The following FGF13 variants were observed in gnomAD, a reference collection of about 807,000 sequenced individuals.
FGF13 encodes the protein fibroblast growth factor homologous factor 2.
Under a neutral mutation model 19.5 loss-of-function variants are expected in FGF13, and 2 were observed. The observed-to-expected ratio is 0.10, with a 90% CI of 0.04 to 0.32. The LOEUF (loss-of-function observed/expected upper bound fraction) is 0.32, where lower values mean the gene tolerates loss of function less well. FGF13 is among the 10% of genes least tolerant of loss of function. The pLI, the probability that FGF13 is intolerant of heterozygous loss-of-function variation, is 1.00. For synonymous variants in FGF13, 72 were observed against 76.9 expected, an observed-to-expected ratio of 0.94 and a Z score of 0.33; for missense variants, 113 against 192.7, an observed-to-expected ratio of 0.59 and a Z score of 2.45.
Position 138,617,496 on chromosome X carries a change from C to T in FGF13, c.*15354G>A, listed in dbSNP as rs1432038030. 8.9e-6 allele frequency: 1 copy of T among 111,844 alleles called. No homozygotes were observed. Among genetic ancestry groups the T allele is most frequent in the Non-Finnish European group, 1.9e-5 (1 of 53,172 alleles). The allele number at this position is 111,844 out of a possible 1,213,427, so 9.2% of individuals were successfully genotyped here. A position where few individuals can be genotyped will look rare whatever the true frequency, so the allele number is the denominator to read the frequency against. ...TGGACCAAGCCAAATTAAATTGTAA[C>T]TATAAGTTTTTTAAAATTTGTGTTG... On this transcript the variant is annotated 3_prime_UTR_variant, in exon 5 of 5. Coordinates refer to ENST00000315930, the MANE Select transcript of FGF13 (RefSeq NM_004114.5).
Position 138,617,125 on chromosome X carries a change from A to G in FGF13, c.*15725T>C, listed in dbSNP as rs1252016106. ...AGTGATAGGAATATTCTATATCTTGAAAGGAGTTTCTGTTACATGGTGCAC... is the reference window on the plus strand; with the variant it reads ...AGTGATAGGAATATTCTATATCTTGGAAGGAGTTTCTGTTACATGGTGCAC... On this transcript the variant is annotated 3_prime_UTR_variant, in exon 5 of 5. Transcript: ENST00000315930. 1 of 111,754 alleles carries G rather than the reference A, an allele frequency of 8.9e-6. No homozygotes were observed. The highest frequency in any genetic ancestry group is 1.9e-5 in the Non-Finnish European group (1 of 53,184). 9.2% of individuals were successfully genotyped at this position (111,754 alleles called of 1,213,427 possible). A position where few individuals can be genotyped will look rare whatever the true frequency, so the allele number is the denominator to read the frequency against.
upstream of FGF13, among the ~76,000 whole-genome samples, chrX:138,713,045 G>A (rs933155142): frequency 8.9e-6 from 1 of 112,362 alleles, no homozygotes; most frequent in East Asian, 2.8e-4. Context: ...TCCATCAGAA[G>A]CACCACTGTG....
intron 1 of FGF13, among the ~76,000 whole-genome samples, chrX:138,938,255 A>G (rs1262563323): frequency 1.8e-5 from 2 of 111,688 alleles, no homozygotes. Flanking sequence ...TGGGTGACAC[A>G]GGAGTTCACT....
At chrX:138,800,226 C>T (rs367830359) in intron 3 of FGF13, among the ~76,000 whole-genome samples, 162 of 111,523 alleles carry the variant, frequency 1.5e-3, no homozygotes, top group South Asian at 2.7e-3. Context: ...TTTTCCTTTC[C>T]ATATTTAGTG....
intron 1 of FGF13, among the ~76,000 whole-genome samples, chrX:139,080,419 G>C (rs2083362937): frequency 1.8e-5 from 2 of 111,767 alleles, no homozygotes; most frequent in Admixed American, 9.5e-5. Flanking sequence ...TATAAAATAA[G>C]AGAAGGCACA....
chrX:138,769,161 G>A (rs951240607), intron 3 of FGF13, among the ~76,000 whole-genome samples: 5 of 111,476 alleles, frequency 4.5e-5, no homozygotes, highest in African/African-American at 1.6e-4. Context: ...CCTATTTAAT[G>A]GTAGTCATTG....
intron 1 of FGF13, among the ~76,000 whole-genome samples, chrX:139,055,562 A>G (rs759843193): frequency 1.2e-3 from 140 of 112,564 alleles, no homozygotes; most frequent in South Asian, 3.7e-3. Context: ...CTATGGTGTT[A>G]GCTATAGTTT....
chrX:138,990,861 T>C (rs1360745210), intron 1 of FGF13, among the ~76,000 whole-genome samples: 1 of 112,124 alleles, frequency 8.9e-6, no homozygotes, highest in African/African-American at 3.2e-5. Flanking sequence ...CACAACTCTG[T>C]AGGCACATGT....
chrX:138,896,379 C>T (rs2091504279), intron 1 of FGF13, among the ~76,000 whole-genome samples: 1 of 111,564 alleles, frequency 9.0e-6, no homozygotes, highest in South Asian at 3.8e-4. Flanking sequence ...ATCAATAGCT[C>T]AGTACACAAT....
At chrX:138,955,479 T>G (rs559490878) in intron 1 of FGF13, among the ~76,000 whole-genome samples, 2 of 111,870 alleles carry the variant, frequency 1.8e-5, no homozygotes, top group South Asian at 3.7e-4. Flanking sequence ...GTGGGTATTA[T>G]TTTCTCCAAT....
chrX:139,167,723 C>T (rs1416096651), intron 1 of FGF13, among the ~76,000 whole-genome samples: 1 of 111,888 alleles, frequency 8.9e-6, no homozygotes, highest in African/African-American at 3.2e-5. Flanking sequence ...AAGATTGATT[C>T]AGAAATAAAT....
intron 1 of FGF13, among the ~76,000 whole-genome samples, chrX:139,048,379 C>T (rs754081296): frequency 4.5e-5 from 5 of 111,019 alleles, no homozygotes; most frequent in South Asian, 3.8e-4. Flanking sequence ...TCATACCTAA[C>T]GGGGCACTTT....
chrX:138,942,948 C>T (rs1428108951), intron 1 of FGF13, among the ~76,000 whole-genome samples: 1 of 111,470 alleles, frequency 9.0e-6, no homozygotes, highest in African/African-American at 3.3e-5. Context: ...TTATTTGGGC[C>T]TGACAAATAG....
At chrX:139,121,408 C>T (rs755318281) in intron 1 of FGF13, among the ~76,000 whole-genome samples, 1 of 110,427 alleles carries the variant, frequency 9.1e-6, no homozygotes, top group Admixed American at 9.7e-5. Flanking sequence ...TTTAATGGTA[C>T]CAAATATTTG....
chrX:139,028,912 T>A (rs1462961732), intron 1 of FGF13, among the ~76,000 whole-genome samples: 1 of 109,825 alleles, frequency 9.1e-6, no homozygotes, highest in Non-Finnish European at 1.9e-5. Context: ...AATAATGAGA[T>A]AAAATTTTTT....
chrX:138,971,324 C>A (rs942774933), intron 1 of FGF13, among the ~76,000 whole-genome samples: 1 of 109,685 alleles, frequency 9.1e-6, no homozygotes, highest in African/African-American at 3.3e-5. Context: ...GCAGTTAACT[C>A]AGTATCATGT....
chrX:138,967,926 G>A (rs2091901336), intron 1 of FGF13, among the ~76,000 whole-genome samples: 1 of 110,882 alleles, frequency 9.0e-6, no homozygotes, highest in African/African-American at 3.3e-5. Context: ...ACTGGAAACA[G>A]TACAGTGAGC....
chrX:139,127,472 AC>A (rs1485476877), intron 1 of FGF13, among the ~76,000 whole-genome samples: 8 of 111,939 alleles, frequency 7.1e-5, no homozygotes, highest in Admixed American at 6.6e-4. Context: ...GTTGACAACC[AC>A]CACTCTGGTG....
chrX:139,155,034 G>C (rs1345931704), intron 1 of FGF13, among the ~76,000 whole-genome samples: 1 of 111,643 alleles, frequency 9.0e-6, no homozygotes, highest in Non-Finnish European at 1.9e-5. Flanking sequence ...TACATACAAA[G>C]CTTGTATGTT....
Sources: allele counts gnomAD v4.1 joint callset (sites outside exome capture counted in the v4.1 genomes callset), GRCh38; gene constraint gnomAD v4.1.1; transcripts MANE v1.5; gene names NCBI Gene and HGNC (gene_info 2026-07-23, HGNC 2026-07-21).